The following REPS2 variants were observed in gnomAD, a reference collection of about 807,000 sequenced individuals.
REPS2 encodes RALBP1 associated Eps domain containing 2.
A neutral mutation model predicts 53.6 loss-of-function variants in REPS2; 23 were observed. The observed-to-expected ratio is 0.43, with a 90% CI of 0.31 to 0.61. REPS2 has a LOEUF of 0.61. REPS2 is among the 20% of genes least tolerant of loss of function. The probability of loss-of-function intolerance (pLI) is 0.11; values close to 1 mark genes in which losing one functional copy is unlikely to be tolerated. For missense variants in REPS2, 446 were observed against 534.9 expected (o/e 0.83, Z 1.64); for synonymous variants, 238 against 218.6 (o/e 1.09, Z -0.78).
chrX:17,026,516 C>T (rs767205037), intron 4 of REPS2, among the ~76,000 whole-genome samples: 1 of 104,232 alleles, frequency 9.6e-6, no homozygotes, highest in African/African-American at 3.5e-5. Flanking sequence ...TTTTAATTCA[C>T]AGGTGAAACT....
rs781237104 is a variant in REPS2, at chrX:17,133,906, A to G, written c.1661A>G (p.Lys554Arg). 1 of 1,203,696 alleles carries G rather than the reference A, an allele frequency of 8.3e-7. No individual in the cohort carries two copies. Among genetic ancestry groups the G allele is most frequent in the African/African-American group, 1.7e-5 (1 of 57,642 alleles). ...SQAAESSPAK[K>R]DVLYSQPPSK... ...GCTGCAGAAAGTAGTCCAGCAAAGA[A>G]GGTAAGGTCAGCCTGAGGATGCTGT... Residue 554 changes from lysine (K) to arginine (R), a missense_variant and splice_region_variant, in exon 15 of 18, where the codon AAG becomes AGG. Lys to Arg is a conservative substitution (Grantham distance 26). Coordinates refer to ENST00000357277, the MANE Select transcript of REPS2 (RefSeq NM_004726.3).
At chrX:17,112,561 A>G (rs777466410) in intron 14 of REPS2, among the ~76,000 whole-genome samples, 4 of 112,226 alleles carry the variant, frequency 3.6e-5, no homozygotes, top group African/African-American at 1.3e-4. Context: ...CTAGAAATCA[A>G]TAACAGAAGT....
At chrX:17,060,499 G>A (rs1420988144) in intron 8 of REPS2, among the ~76,000 whole-genome samples, 1 of 110,606 alleles carries the variant, frequency 9.0e-6, no homozygotes, top group South Asian at 3.8e-4. Flanking sequence ...GAACTTGTGG[G>A]CAGTTGATAC....
chrX:16,961,231 TATCCTGGCATAAAAACAGAC>T (rs1602509641), intron 1 of REPS2, among the ~76,000 whole-genome samples: 1 of 111,986 alleles, frequency 8.9e-6, no homozygotes. Context: ...TATGATAGTA[TATCCTGGCATAAAAACAGAC>T]ATATAGATCA....
intron 5 of REPS2, among the ~76,000 whole-genome samples, chrX:17,033,915 G>A (rs2061736011): frequency 8.9e-6 from 1 of 111,755 alleles, no homozygotes; most frequent in Non-Finnish European, 1.9e-5. Flanking sequence ...GCCATTTCCC[G>A]GATGGTCAGT....
At chrX:16,961,813 G>A (rs889296944) in intron 1 of REPS2, among the ~76,000 whole-genome samples, 3 of 111,730 alleles carry the variant, frequency 2.7e-5, no homozygotes, top group East Asian at 5.6e-4. Flanking sequence ...TGAATAACCC[G>A]ATTAAAAAAT....
At chrX:17,016,004 T>C (rs908120684) in intron 2 of REPS2, among the ~76,000 whole-genome samples, 2 of 111,805 alleles carry the variant, frequency 1.8e-5, no homozygotes, top group African/African-American at 3.3e-5. Flanking sequence ...TCCACAATGA[T>C]TGAACTAGTT....
At chrX:17,081,195 G>A (rs2062451051) in intron 13 of REPS2, among the ~76,000 whole-genome samples, 1 of 112,373 alleles carries the variant, frequency 8.9e-6, no homozygotes, top group African/African-American at 3.2e-5. Context: ...GTGAAAAGCA[G>A]TGATTGAAGC....
intron 5 of REPS2, among the ~76,000 whole-genome samples, chrX:17,038,821 G>A (rs113485401): frequency 1.8e-5 from 2 of 112,191 alleles, no homozygotes; most frequent in Admixed American, 1.9e-4. Flanking sequence ...AGATGAGGTC[G>A]GAGAGGGAGG....
At chrX:17,187,702 C>G in the REPS2 span, among the ~76,000 whole-genome samples, 1 of 112,043 alleles carries the variant, frequency 8.9e-6, no homozygotes, top group African/African-American at 3.2e-5. Context: ...GCCTACAGAA[C>G]CCATACCCAA....
At chrX:17,115,821 G>A (rs762812868) in intron 14 of REPS2, among the ~76,000 whole-genome samples, 6 of 112,090 alleles carry the variant, frequency 5.4e-5, no homozygotes, top group African/African-American at 1.9e-4. Flanking sequence ...GACACAGCAC[G>A]TGTTTCAGAG....
intron 13 of REPS2, among the ~76,000 whole-genome samples, chrX:17,100,859 G>A (rs2062784868): frequency 9.0e-6 from 1 of 110,859 alleles, no homozygotes; most frequent in African/African-American, 3.3e-5. Flanking sequence ...TGGGAGGATT[G>A]CTTGAGCCCA....
At chrX:17,070,664 GT>G (rs925814472) in intron 11 of REPS2, among the ~76,000 whole-genome samples, 1 of 111,939 alleles carries the variant, frequency 8.9e-6, no homozygotes, top group Non-Finnish European at 1.9e-5. Flanking sequence ...GAAAAAAGTT[GT>G]TGCTTTCTCT....
At chrX:17,046,365 A>G (rs947674449) in intron 5 of REPS2, among the ~76,000 whole-genome samples, 2 of 109,766 alleles carry the variant, frequency 1.8e-5, no homozygotes, top group African/African-American at 3.3e-5. Context: ...TTTAGTAGAG[A>G]TGGGGTTTCA....
chrX:16,964,636 G>A (rs1282793623), intron 1 of REPS2, among the ~76,000 whole-genome samples: 10 of 105,965 alleles, frequency 9.4e-5, no homozygotes, highest in Admixed American at 2.9e-4. Flanking sequence ...CCTCCCGGAC[G>A]GGGCGGCTGG....
At chrX:17,055,433 A>G (rs1420615762) in intron 8 of REPS2, among the ~76,000 whole-genome samples, 3 of 59,725 alleles carry the variant, frequency 5.0e-5, no homozygotes, top group Non-Finnish European at 9.2e-5. Context: ...GCCCACGCCT[A>G]TGTCCTGAAT....
At chrX:17,059,013 CTT>C (rs1179244167) in intron 8 of REPS2, among the ~76,000 whole-genome samples, 5 of 96,880 alleles carry the variant, frequency 5.2e-5, no homozygotes, top group Admixed American at 1.1e-4. Context: ...TTCTTTCTTT[CTT>C]TTTTTTTTTT....
chrX:17,138,886 A>G lies in REPS2; in HGVS notation c.1839A>G (p.Gln613=), dbSNP rs774082245. The change falls in exon 17 of 18, where the codon CAA becomes CAG. Residue 613 remains glutamine (Q), a synonymous_variant. Coordinates refer to ENST00000357277, the MANE Select transcript of REPS2 (RefSeq NM_004726.3). ...CTTCCAAACAGAAGAAGGCCATTCA[A>G]ACTGCTATCCGCAAAAATAAAGAGG... The part of the protein sequence containing the change: ...KQSSKQKKAI[Q]TAIRKNKEAN... 7 of 1,203,659 alleles carry G rather than the reference A, an allele frequency of 5.8e-6. No homozygotes were observed. The highest frequency in any genetic ancestry group is 1.8e-5 in the African/African-American group (1 of 57,035).
chrX:16,967,066 C>T (rs2060779702), intron 1 of REPS2, among the ~76,000 whole-genome samples: 1 of 112,107 alleles, frequency 8.9e-6, no homozygotes, highest in Non-Finnish European at 1.9e-5. Flanking sequence ...GGGCCAAATC[C>T]ATCCTGCCAC....
Sources: allele counts gnomAD v4.1 joint callset (sites outside exome capture counted in the v4.1 genomes callset), GRCh38; gene constraint gnomAD v4.1.1; transcripts MANE v1.5; gene names NCBI Gene and HGNC (gene_info 2026-07-23, HGNC 2026-07-21).